The following MTHFD1L variants were observed in gnomAD, a reference collection of about 807,000 sequenced individuals.
MTHFD1L encodes methylenetetrahydrofolate dehydrogenase (NADP+ dependent) 1 like, also known as monofunctional C1-tetrahydrofolate synthase, mitochondrial.
Under a neutral mutation model 119.5 loss-of-function variants are expected in MTHFD1L, and 81 were observed. That is an observed-to-expected ratio of 0.68 (90% CI 0.57 to 0.82). The LOEUF (loss-of-function observed/expected upper bound fraction) is 0.82, where lower values mean the gene tolerates loss of function less well. MTHFD1L is among the 40% of genes least tolerant of loss of function. The pLI is 0.00. For synonymous variants in MTHFD1L, 430 were observed against 475.2 expected, an observed-to-expected ratio of 0.90 and a Z score of 1.24; for missense variants, 1,125 against 1,253.4, an observed-to-expected ratio of 0.90 and a Z score of 1.55.
At chr6:150,972,130 G>A in intron 20 of MTHFD1L, 72 bp downstream of exon 20, 5 of 1,303,522 alleles carry the variant, frequency 3.8e-6, no homozygotes, top group Non-Finnish European at 2.2e-6. Flanking sequence ...CTGGAATGGA[G>A]TGATATCCAT....
chr6:150,918,780 A>G, intron 9 of MTHFD1L, 112 bp downstream of exon 9: 1 of 814,278 alleles, frequency 1.2e-6, no homozygotes, highest in Non-Finnish European at 2.1e-6. Context: ...CACTTCACAC[A>G]CAGTGTTAGG....
chr6:151,007,010 GTCT>G (rs1274256826), intron 20 of MTHFD1L, among the ~76,000 whole-genome samples: 16 of 152,254 alleles, frequency 1.1e-4, no homozygotes, highest in African/African-American at 3.9e-4. Context: ...CAGTGAACCA[GTCT>G]TGCTGGTGAA....
chr6:150,881,413 G>A (rs1054955515), intron 4 of MTHFD1L, among the ~76,000 whole-genome samples: 5 of 152,082 alleles, frequency 3.3e-5, no homozygotes, highest in Admixed American at 6.6e-5. Flanking sequence ...CATTTATTCC[G>A]TATTTTTCTT....
chr6:150,926,386 C>A lies in MTHFD1L; in HGVS notation c.1256+91C>A. 8.9e-7 allele frequency: 1 copy of A among 1,123,282 alleles called. No individual in the cohort carries two copies. Among genetic ancestry groups the A allele is most frequent in the Non-Finnish European group, 1.3e-6 (1 of 795,048 alleles). The allele number at this position is 1,123,282 out of a possible 1,614,324, so 69.6% of individuals were successfully genotyped here. A position where few individuals can be genotyped will look rare whatever the true frequency, so the allele number is the denominator to read the frequency against. On this transcript the variant is annotated intron_variant, in intron 11 of 27. Transcript: ENST00000367321. This position sits in a 1 kb window ranked among gnomAD's most constrained non-coding sequence, Gnocchi z 4.3. The stretch of plus-strand genomic sequence containing the variant: ...TCTCTCCTCGTACCCCTCAATCCAT[C>A]CTATTCTCACATTTGACATTTCGTC...
At chr6:150,888,806 C>T (rs894587861) in intron 7 of MTHFD1L, among the ~76,000 whole-genome samples, 14 of 152,216 alleles carry the variant, frequency 9.2e-5, no homozygotes, top group African/African-American at 2.4e-4. Context: ...AACAGACGAT[C>T]GGAACAGAAG....
intron 1 of MTHFD1L, among the ~76,000 whole-genome samples, chr6:150,870,947 A>C (rs1301066016): frequency 7.0e-6 from 1 of 142,348 alleles, no homozygotes; most frequent in Non-Finnish European, 1.5e-5. Flanking sequence ...AACCCAAAAA[A>C]CATATATATA....
chr6:150,884,417 G>T (rs550703081), intron 5 of MTHFD1L, among the ~76,000 whole-genome samples: 1 of 151,996 alleles, frequency 6.6e-6, no homozygotes, highest in African/African-American at 2.4e-5. Flanking sequence ...TGGGATTACA[G>T]GAGTGAGCCA....
intron 26 of MTHFD1L, among the ~76,000 whole-genome samples, chr6:151,079,252 G>T (rs1024894184): frequency 6.7e-5 from 10 of 149,418 alleles, no homozygotes; most frequent in Non-Finnish European, 1.5e-5. Flanking sequence ...TGGGGAGTAG[G>T]GGTAGTAGGA....
chr6:150,913,506 A>G (rs1335919701), intron 8 of MTHFD1L, among the ~76,000 whole-genome samples: 1 of 151,950 alleles, frequency 6.6e-6, no homozygotes, highest in Non-Finnish European at 1.5e-5. Context: ...AGGTTTCACC[A>G]GGTTGCTCAG....
At chr6:150,876,202 C>CTAT in intron 2 of MTHFD1L, 28 bp downstream of exon 2, 1 of 1,493,508 alleles carries the variant, frequency 6.7e-7, no homozygotes, top group Non-Finnish European at 9.0e-7. Context: ...TTCAGTCCTA[C>CTAT]TATTTTAGGA....
At chr6:150,885,307 C>A (rs1320409863) in intron 5 of MTHFD1L, among the ~76,000 whole-genome samples, 3 of 151,796 alleles carry the variant, frequency 2.0e-5, no homozygotes, top group African/African-American at 7.3e-5. Context: ...AGCGATCCTC[C>A]TGCCTCAGCC....
At chr6:150,944,440 C>G (rs41289355) in intron 13 of MTHFD1L, 46 bp from the exon 14 acceptor site, 27,759 of 1,413,694 alleles carry the variant, frequency 0.02, 422 homozygotes, top group Non-Finnish European at 0.021. Context: ...AAAGCGAGAC[C>G]CTATTTCTGA....
chr6:150,965,176 A>G (rs924932619), intron 19 of MTHFD1L, 139 bp downstream of exon 19: 11 of 704,696 alleles, frequency 1.6e-5, no homozygotes, highest in Non-Finnish European at 2.2e-5. Flanking sequence ...AGAAAGAGTG[A>G]GGATCTGGTT....
chr6:151,003,986 T>G (rs1781005442), intron 20 of MTHFD1L, among the ~76,000 whole-genome samples: 1 of 137,666 alleles, frequency 7.3e-6, no homozygotes, highest in Non-Finnish European at 1.5e-5. Flanking sequence ...TCTAATGAAG[T>G]GAGGATGTTA....
intron 20 of MTHFD1L, among the ~76,000 whole-genome samples, chr6:150,988,763 C>T (rs191730836): frequency 1.3e-5 from 2 of 151,668 alleles, no homozygotes; most frequent in Non-Finnish European, 2.9e-5. Context: ...TGTGCCACCA[C>T]ACCCGGCTAA....
chr6:150,882,997 G>A, intron 5 of MTHFD1L, 111 bp downstream of exon 5: 1 of 1,090,394 alleles, frequency 9.2e-7, no homozygotes, highest in Non-Finnish European at 1.3e-6. Flanking sequence ...GTCAGTAATT[G>A]GATAAAAAAA....
intron 1 of MTHFD1L, chr6:150,866,292 T>G: frequency 2.0e-6 from 3 of 1,472,680 alleles, no homozygotes; most frequent in African/African-American, 1.5e-5. Flanking sequence ...CGTGGGCATC[T>G]CCAATGGGCG....
chr6:151,068,213 G>C (rs969307237), intron 26 of MTHFD1L, among the ~76,000 whole-genome samples: 1 of 152,222 alleles, frequency 6.6e-6, no homozygotes, highest in Non-Finnish European at 1.5e-5. Flanking sequence ...AAAAGTTTCT[G>C]CTGGTCCTAT....
At chr6:150,946,572 CT>C (rs1793980864) in intron 15 of MTHFD1L, among the ~76,000 whole-genome samples, 1 of 152,138 alleles carries the variant, frequency 6.6e-6, no homozygotes, top group South Asian at 2.1e-4. Context: ...AATCATATTG[CT>C]TGCTACTAGC....
Sources: gnomAD v4.1 joint callset for allele counts (sites outside exome capture counted in the v4.1 genomes callset) on GRCh38, gnomAD v4.1.1 for gene constraint, Gnocchi (gnomAD v3.1) non-coding constraint, MANE v1.5 for transcripts, NCBI Gene and HGNC (gene_info 2026-07-23, HGNC 2026-07-21) for gene names.